NXPH1: variants seen among roughly 807,000 people sequenced by gnomAD.
The protein encoded by NXPH1 is neurexophilin-1.
NXPH1 carries 5 observed loss-of-function variants against 23.7 expected under a neutral mutation model. The observed-to-expected ratio is 0.21, with a 90% CI of 0.11 to 0.44. The LOEUF is 0.44. Among genes scored for constraint, NXPH1 ranks in the 20% least tolerant of loss-of-function variants. The pLI is 0.99. For missense variants in NXPH1, 324 were observed against 321.6 expected (o/e 1.01, Z -0.06); for synonymous variants, 144 against 122.2 (o/e 1.18, Z -1.18).
chr7:8,588,996 C>A (rs750340675), intron 2 of NXPH1, among the ~76,000 whole-genome samples: 4 of 152,046 alleles, frequency 2.6e-5, no homozygotes, highest in African/African-American at 9.7e-5. Context: ...TCTAGACTAT[C>A]CAAGTTTGTA....
chr7:8,626,327 C>T (rs555054708), intron 2 of NXPH1, among the ~76,000 whole-genome samples: 1 of 151,870 alleles, frequency 6.6e-6, no homozygotes, highest in African/African-American at 2.4e-5. Flanking sequence ...CTTTGTTGAA[C>T]CTCATGGACT....
At chr7:8,509,185 A>T (rs916950797) in intron 2 of NXPH1, among the ~76,000 whole-genome samples, 1 of 152,122 alleles carries the variant, frequency 6.6e-6, no homozygotes, top group Non-Finnish European at 1.5e-5. Flanking sequence ...TGCAAAACTT[A>T]TATATCTTAT....
intron 2 of NXPH1, among the ~76,000 whole-genome samples, chr7:8,636,432 C>T (rs988562921): frequency 6.6e-6 from 1 of 152,186 alleles, no homozygotes; most frequent in Non-Finnish European, 1.5e-5. Context: ...GCCACTTTCT[C>T]CCCATATTAA....
At chr7:8,514,609 G>C (rs575574701) in intron 2 of NXPH1, among the ~76,000 whole-genome samples, 40 of 152,256 alleles carry the variant, frequency 2.6e-4, no homozygotes, top group African/African-American at 9.6e-4. Context: ...ACTTATGAAA[G>C]TTATAGGGTC....
chr7:8,551,628 G>A (rs994998967), intron 2 of NXPH1, among the ~76,000 whole-genome samples: 3 of 151,314 alleles, frequency 2.0e-5, no homozygotes, highest in African/African-American at 7.3e-5. Flanking sequence ...TTACAATTTT[G>A]GAAGAAGGGA....
chr7:8,596,426 C>T (rs1819225830), intron 2 of NXPH1, among the ~76,000 whole-genome samples: 1 of 152,012 alleles, frequency 6.6e-6, no homozygotes, highest in Non-Finnish European at 1.5e-5. Context: ...TGCTAAATGG[C>T]CCACAAAATC....
intron 2 of NXPH1, among the ~76,000 whole-genome samples, chr7:8,494,352 T>C (rs1817300645): frequency 6.6e-6 from 1 of 152,032 alleles, no homozygotes; most frequent in Admixed American, 6.6e-5. Context: ...TTTTTATCTC[T>C]TTGTATCCAC....
chr7:8,668,257 T>G (rs950795789), intron 2 of NXPH1, among the ~76,000 whole-genome samples: 1 of 64,588 alleles, frequency 1.5e-5, no homozygotes, highest in Non-Finnish European at 3.2e-5. Context: ...TGTCTCTTTG[T>G]TTTTTTTTTT....
At chr7:8,735,735 G>A (rs939797318) in intron 2 of NXPH1, among the ~76,000 whole-genome samples, 4 of 152,020 alleles carry the variant, frequency 2.6e-5, no homozygotes, top group Admixed American at 6.6e-5. Flanking sequence ...TTTGTACCTC[G>A]GTAGAATGCT....
At chr7:8,470,070 G>A (rs1057067060) in intron 2 of NXPH1, among the ~76,000 whole-genome samples, 5 of 152,122 alleles carry the variant, frequency 3.3e-5, no homozygotes, top group African/African-American at 1.2e-4. Flanking sequence ...TAGTTGACAT[G>A]CATGCACTAC....
rs1337287381 is a variant in NXPH1, at chr7:8,446,899, T to C, written c.54+11132T>C. Among the ~76,000 whole-genome samples, 5 of 133,060 alleles carry C rather than the reference T, an allele frequency of 3.8e-5. No homozygotes were observed. In the South Asian group the frequency reaches 1.3e-3, roughly 33 times the overall value. 87.3% of individuals were successfully genotyped at this position (133,060 alleles called of 152,430 possible). Reference sequence around the variant, plus strand: ...CATTTCATTCCAATGATAACTAGAATAGTAATATTCTTTTTTTTTTTTCTT... The same window carrying C: ...CATTTCATTCCAATGATAACTAGAACAGTAATATTCTTTTTTTTTTTTCTT... On this transcript the variant is annotated intron_variant, in intron 2 of 2. Transcript: ENST00000405863.
chr7:8,447,833 A>T (rs941388983), intron 2 of NXPH1, among the ~76,000 whole-genome samples: 2 of 152,232 alleles, frequency 1.3e-5, no homozygotes, highest in Non-Finnish European at 2.9e-5. Flanking sequence ...CAAGTGGTTA[A>T]AAGTGTGAGA....
intron 2 of NXPH1, among the ~76,000 whole-genome samples, chr7:8,715,772 G>A (rs962910666): frequency 6.6e-6 from 1 of 152,090 alleles, no homozygotes; most frequent in African/African-American, 2.4e-5. Context: ...AAAAGACTAC[G>A]GGTGTGGGAC....
chr7:8,511,726 T>G (rs1213260505), intron 2 of NXPH1, among the ~76,000 whole-genome samples: 3 of 152,122 alleles, frequency 2.0e-5, no homozygotes, highest in Non-Finnish European at 4.4e-5. Context: ...CAAATAACAA[T>G]TATTTCTGTT....
At chr7:8,654,916 C>T (rs1182123375) in intron 2 of NXPH1, among the ~76,000 whole-genome samples, 1 of 152,154 alleles carries the variant, frequency 6.6e-6, no homozygotes, top group South Asian at 2.1e-4. Context: ...TGTGTCTAAT[C>T]ATCCAAGGGA....
intron 2 of NXPH1, among the ~76,000 whole-genome samples, chr7:8,739,933 A>G (rs1328817309): frequency 6.6e-6 from 1 of 152,206 alleles, no homozygotes; most frequent in Admixed American, 6.5e-5. Flanking sequence ...CTCCATTATA[A>G]TCTCCTGGGA....
At chr7:8,578,369 G>T (rs1818794089) in intron 2 of NXPH1, among the ~76,000 whole-genome samples, 1 of 152,142 alleles carries the variant, frequency 6.6e-6, no homozygotes, top group Non-Finnish European at 1.5e-5. Flanking sequence ...TTAAGTCAGG[G>T]ACTGTCTATA....
At chr7:8,619,926 C>A (rs541688163) in intron 2 of NXPH1, among the ~76,000 whole-genome samples, 1 of 152,272 alleles carries the variant, frequency 6.6e-6, no homozygotes, top group East Asian at 1.9e-4. Flanking sequence ...TGTGGTAAAT[C>A]TGGATCTAAA....
At chr7:8,684,637 G>A (rs548223824) in intron 2 of NXPH1, among the ~76,000 whole-genome samples, 7 of 152,256 alleles carry the variant, frequency 4.6e-5, no homozygotes, top group Non-Finnish European at 7.4e-5. Context: ...ACTGTTTGGA[G>A]AGGTTTTACT....
Sources: gnomAD v4.1 joint callset for allele counts (sites outside exome capture counted in the v4.1 genomes callset) on GRCh38, gnomAD v4.1.1 for gene constraint, MANE v1.5 for transcripts, NCBI Gene and HGNC (gene_info 2026-07-23, HGNC 2026-07-21) for gene names.